Variants in HDAC9 observed in about 807,000 individuals in gnomAD.
HDAC9 encodes MEF-2 interacting transcription repressor (MITR) protein.
HDAC9 carries 41 observed loss-of-function variants against 139.4 expected under a neutral mutation model. The ratio of observed to expected loss-of-function variants is 0.29; its 90% CI spans 0.23 to 0.38. The LOEUF (loss-of-function observed/expected upper bound fraction) is 0.38, where lower values mean the gene tolerates loss of function less well. HDAC9 is among the 10% of genes least tolerant of loss of function. The pLI is 1.00. For missense variants in HDAC9, 1,147 were observed against 1,297.0 expected, an observed-to-expected ratio of 0.88 and a Z score of 1.78; for synonymous variants, 517 against 476.2, an observed-to-expected ratio of 1.09 and a Z score of -1.12.
intron 17 of HDAC9, among the ~76,000 whole-genome samples, chr7:18,826,670 G>GT (rs146895865): frequency 0.098 from 12,696 of 129,444 alleles, 1,252 homozygotes; most frequent in African/African-American, 0.26. Context: ...TTTTGGTTTT[G>GT]TTTTTTTTTT....
At chr7:18,554,621 C>A (rs1818233172) in intron 2 of HDAC9, among the ~76,000 whole-genome samples, 1 of 152,222 alleles carries the variant, frequency 6.6e-6, no homozygotes, top group Non-Finnish European at 1.5e-5. Context: ...AGGCGTGAGC[C>A]ACCGCGCCCA....
intron 13 of HDAC9, among the ~76,000 whole-genome samples, chr7:18,732,477 CA>C (rs2129133259): frequency 1.0e-5 from 1 of 99,546 alleles, no homozygotes; most frequent in South Asian, 3.3e-4. Context: ...TGTGTATATA[CA>C]GTGTATATAT....
chr7:18,483,437 C>T (rs955846984), intron 1 of HDAC9, among the ~76,000 whole-genome samples: 1 of 152,108 alleles, frequency 6.6e-6, no homozygotes, highest in African/African-American at 2.4e-5. Flanking sequence ...AGAACTTTGA[C>T]CAGTAATCTG....
chr7:18,654,719 T>TA (rs907426914), intron 11 of HDAC9, among the ~76,000 whole-genome samples: 4 of 151,768 alleles, frequency 2.6e-5, no homozygotes, highest in Middle Eastern at 3.2e-3. Context: ...AAACAAACAT[T>TA]AAAAAAAATA....
chr7:18,133,174 A>C (rs1171908836), intron 1 of HDAC9, among the ~76,000 whole-genome samples: 1 of 152,176 alleles, frequency 6.6e-6, no homozygotes, highest in Non-Finnish European at 1.5e-5. Context: ...AAACACAAAA[A>C]CACAGAAATA....
chr7:18,179,746 A>C (rs186620488), intron 2 of HDAC9, among the ~76,000 whole-genome samples: 13 of 152,364 alleles, frequency 8.5e-5, no homozygotes, highest in Non-Finnish European at 1.9e-4. Context: ...AACACCTGTC[A>C]TCTATCTTTT....
At chr7:18,271,686 G>A (rs906341109) in intron 2 of HDAC9, among the ~76,000 whole-genome samples, 5 of 152,042 alleles carry the variant, frequency 3.3e-5, no homozygotes, top group Non-Finnish European at 7.4e-5. Flanking sequence ...TGGGCATTTC[G>A]TGATGCCTTC....
intron 2 of HDAC9, among the ~76,000 whole-genome samples, chr7:18,189,593 G>T (rs1790186164): frequency 6.6e-6 from 1 of 152,152 alleles, no homozygotes; most frequent in Non-Finnish European, 1.5e-5. Context: ...GCCTTGTGGG[G>T]CATGGTAAGA....
At chr7:18,906,136 T>C (rs1802239797) in intron 22 of HDAC9, among the ~76,000 whole-genome samples, 1 of 151,918 alleles carries the variant, frequency 6.6e-6, no homozygotes. Flanking sequence ...TCCTTTTTTT[T>C]TTAACGTTAT....
At chr7:18,475,223 A>G (rs955762366) in intron 1 of HDAC9, among the ~76,000 whole-genome samples, 4 of 152,194 alleles carry the variant, frequency 2.6e-5, no homozygotes, top group Admixed American at 2.6e-4. Context: ...ATGGGACAAG[A>G]GCCATGGACT....
At chr7:18,522,877 G>A (rs745466807) in intron 2 of HDAC9, among the ~76,000 whole-genome samples, 2 of 152,190 alleles carry the variant, frequency 1.3e-5, no homozygotes, top group East Asian at 3.8e-4. Flanking sequence ...CAAAGAGGCT[G>A]AATAACTTTA....
chr7:18,821,171 C>T (rs541048412), intron 17 of HDAC9, among the ~76,000 whole-genome samples: 2 of 152,222 alleles, frequency 1.3e-5, no homozygotes, highest in East Asian at 3.8e-4. Context: ...TTATAATGGC[C>T]TTATCCGATT....
intron 1 of HDAC9, among the ~76,000 whole-genome samples, chr7:18,106,803 C>G: frequency 6.6e-6 from 1 of 152,170 alleles, no homozygotes; most frequent in Admixed American, 6.5e-5. Context: ...CTTCTCCTCA[C>G]ATTCATCTCT....
At position 18,720,319 on chromosome 7, in the gene HDAC9, A is replaced by G. The variant is rs113084281; in HGVS notation, c.1732-7261A>G. 1.3e-4 allele frequency among the ~76,000 whole-genome samples: 20 copies of G among 151,826 alleles called. 1 individual carries two copies. Among genetic ancestry groups the G allele is most frequent in the African/African-American group, 4.6e-4 (19 of 41,520 alleles). On this transcript the variant is annotated intron_variant, in intron 12 of 25. Transcript: ENST00000686413. ...AGTTTGCATTTTAATTAATTTATTTAATTTTAATTATAATTACATTTAATT... is the reference window on the plus strand; with the variant it reads ...AGTTTGCATTTTAATTAATTTATTTGATTTTAATTATAATTACATTTAATT...
intron 1 of HDAC9, among the ~76,000 whole-genome samples, chr7:18,452,135 A>C (rs948095552): frequency 6.6e-6 from 1 of 152,178 alleles, no homozygotes; most frequent in African/African-American, 2.4e-5. Flanking sequence ...CATTGGGCAG[A>C]TTATCAAGAT....
At chr7:18,807,218 G>C (rs1793781662) in intron 17 of HDAC9, among the ~76,000 whole-genome samples, 1 of 152,024 alleles carries the variant, frequency 6.6e-6, no homozygotes, top group Non-Finnish European at 1.5e-5. Context: ...TGTGTCTGTA[G>C]GTTATCCAAT....
rs139304109 is a variant in HDAC9 at position 18,466,842 on chromosome 7, T to C, written c.-41-29420T>C. On this transcript the variant is annotated intron_variant, in intron 1 of 3. Coordinates refer to the HDAC9 transcript ENST00000413509. ...CTGCCCACTGCCATGCACTGAATGCTCCTTCTTACCTTTCTGAAGATCGTC... is the reference window on the plus strand; with the variant it reads ...CTGCCCACTGCCATGCACTGAATGCCCCTTCTTACCTTTCTGAAGATCGTC... 1.1e-4 allele frequency among the ~76,000 whole-genome samples: 17 copies of C among 152,324 alleles called. No individual in the cohort carries two copies. In the East Asian group the frequency reaches 3.3e-3, roughly 29 times the overall value.
chr7:18,600,434 T>C (rs1195486828), intron 6 of HDAC9, among the ~76,000 whole-genome samples: 2 of 152,236 alleles, frequency 1.3e-5, no homozygotes, highest in African/African-American at 4.8e-5. Context: ...TTTAGATCTA[T>C]AATTCGTTTT....
intron 2 of HDAC9, among the ~76,000 whole-genome samples, chr7:18,270,344 G>T (rs1163905438): frequency 1.3e-5 from 2 of 150,560 alleles, no homozygotes; most frequent in Non-Finnish European, 2.9e-5. Flanking sequence ...TTCTTTTCCT[G>T]TTACCTTCTC....
Sources: allele counts gnomAD v4.1 joint callset (sites outside exome capture counted in the v4.1 genomes callset), GRCh38; gene constraint gnomAD v4.1.1; transcripts MANE v1.5; gene names NCBI Gene and HGNC (gene_info 2026-07-23, HGNC 2026-07-21).